The following SEMA3A variants were observed in gnomAD, a reference collection of about 807,000 sequenced individuals.
The protein encoded by SEMA3A is semaphorin-3A.
Under a neutral mutation model 97.9 loss-of-function variants are expected in SEMA3A, and 29 were observed. The ratio of observed to expected loss-of-function variants is 0.30; its 90% CI spans 0.22 to 0.40. The LOEUF is 0.40. Ranked by LOEUF, SEMA3A falls within the 10% of genes least tolerant of loss-of-function variation. SEMA3A has a pLI of 1.00. For missense variants in SEMA3A, 763 were observed against 951.3 expected (o/e 0.80, Z 2.60); for synonymous variants, 321 against 323.7 (o/e 0.99, Z 0.09).
intron 1 of SEMA3A, among the ~76,000 whole-genome samples, chr7:84,135,434 A>AT (rs1212334355): frequency 1.1e-4 from 16 of 152,014 alleles, no homozygotes; most frequent in Non-Finnish European, 1.9e-4. Flanking sequence ...AATGAGAGTT[A>AT]TATTCCTATT....
Position 83,961,471 on chromosome 7 carries a change from T to C in SEMA3A, c.2216A>G (p.His739Arg), listed in dbSNP as rs772318664. The change falls in exon 17 of 17, where the codon CAT becomes CGT. Residue 739 changes from histidine to arginine, a missense_variant. Coordinates refer to ENST00000265362, the MANE Select transcript of SEMA3A (RefSeq NM_006080.3). ...CCATTTGTTACTGTTCCCTGGGGTA[T>C]GTCCTGGCCTTTGCCGACGTTGTTT... Reference protein sequence around the residue: ...DRKQRRQRPGHTPGNSNKWKH... With the variant: ...DRKQRRQRPGRTPGNSNKWKH... 2 of 1,614,126 alleles carry C rather than the reference T, an allele frequency of 1.2e-6. No homozygotes were observed. Among genetic ancestry groups the C allele is most frequent in the Admixed American group, 1.7e-5 (1 of 60,020 alleles).
At chr7:84,123,322 T>C (rs900512541) in intron 3 of SEMA3A, among the ~76,000 whole-genome samples, 1 of 152,234 alleles carries the variant, frequency 6.6e-6, no homozygotes, top group African/African-American at 2.4e-5. Context: ...CTCGACTGTA[T>C]TTATTTCCCT....
At chr7:84,139,793 T>C (rs769980289) in intron 1 of SEMA3A, among the ~76,000 whole-genome samples, 2 of 152,080 alleles carry the variant, frequency 1.3e-5, no homozygotes, top group Admixed American at 6.5e-5. Context: ...ATTTGATAGA[T>C]TTCTATTTAA....
chr7:84,052,982 T>G (rs1487740753), intron 5 of SEMA3A, among the ~76,000 whole-genome samples: 2 of 151,048 alleles, frequency 1.3e-5, no homozygotes, highest in African/African-American at 4.9e-5. Flanking sequence ...CCAGTAGTCA[T>G]TCAGGAGCAG....
rs1357784674 is a variant in SEMA3A at position 83,956,658 on chromosome 7, C to T, written c.*4713G>A. 1.3e-5 allele frequency: 2 copies of T among 152,106 alleles called. No individual in the cohort carries two copies. Among genetic ancestry groups the T allele is most frequent in the Admixed American group, 1.3e-4 (2 of 15,252 alleles). The allele number at this position is 152,106 out of a possible 1,614,324, so 9.4% of individuals were successfully genotyped here. On this transcript the variant is annotated 3_prime_UTR_variant, in exon 17 of 17. Coordinates refer to ENST00000265362, the MANE Select transcript of SEMA3A (RefSeq NM_006080.3). The stretch of plus-strand genomic sequence containing the variant: ...AAACAGAGGGCAATAAATCAAAACC[C>T]AGGAAAAAGCAAATGCACCATTTTG...
intron 1 of SEMA3A, among the ~76,000 whole-genome samples, chr7:84,484,130 A>G (rs1208869419): frequency 6.6e-6 from 1 of 152,110 alleles, no homozygotes; most frequent in Admixed American, 6.5e-5. Context: ...TGGACTAGTT[A>G]AGAAAAAAAC....
Position 84,091,234 on chromosome 7 carries a change from A to G in SEMA3A, c.453+19236T>C, listed in dbSNP as rs965098905. Among the ~76,000 whole-genome samples, 172 of 91,090 alleles carry G rather than the reference A, an allele frequency of 1.9e-3. 11 individuals are homozygous for G. The highest frequency in any genetic ancestry group is 3.3e-3 in the Non-Finnish European group (118 of 35,648). The allele number at this position is 91,090 out of a possible 152,430, so 59.8% of individuals were successfully genotyped here. ...AAAGAAAAGAAAAGAAAGAAAAGAA[A>G]GAAGGAAGGAAGGAAAGAACGAAGG... On this transcript the variant is annotated intron_variant, in intron 4 of 16. Transcript: ENST00000265362.
chr7:84,045,550 G>A (rs117025591), intron 6 of SEMA3A, among the ~76,000 whole-genome samples: 2 of 151,638 alleles, frequency 1.3e-5, no homozygotes, highest in Admixed American at 6.6e-5. Context: ...GATATAAAAG[G>A]ATTGCTTAGT....
At chr7:84,065,873 C>A (rs1793465808) in intron 4 of SEMA3A, among the ~76,000 whole-genome samples, 2 of 151,830 alleles carry the variant, frequency 1.3e-5, no homozygotes, top group South Asian at 2.1e-4. Flanking sequence ...CCTTCTGAAA[C>A]TATTCCAATC....
intron 3 of SEMA3A, among the ~76,000 whole-genome samples, chr7:84,273,286 C>A (rs1164460489): frequency 1.3e-5 from 2 of 152,078 alleles, no homozygotes; most frequent in Non-Finnish European, 2.9e-5. Context: ...AATATATCAG[C>A]AACATTCCTC....
chr7:84,136,568 T>A (rs1796130301), intron 1 of SEMA3A, among the ~76,000 whole-genome samples: 1 of 152,148 alleles, frequency 6.6e-6, no homozygotes, highest in Admixed American at 6.5e-5. Flanking sequence ...CTAGTTCAAA[T>A]GCAACTGCCA....
chr7:83,971,985 C>CTG (rs10689027), intron 15 of SEMA3A, among the ~76,000 whole-genome samples: 46,621 of 149,916 alleles, frequency 0.31, 7,897 homozygotes, highest in East Asian at 0.62. Context: ...ATTGGCTAGT[C>CTG]TGTGTGTGTG....
chr7:84,397,171 T>A (rs1419936987), intron 1 of SEMA3A, among the ~76,000 whole-genome samples: 1 of 152,004 alleles, frequency 6.6e-6, no homozygotes, highest in Non-Finnish European at 1.5e-5. Flanking sequence ...TGTATGCTTA[T>A]GATATCAAAT....
intron 2 of SEMA3A, among the ~76,000 whole-genome samples, chr7:84,354,773 C>A (rs1210783790): frequency 1.3e-5 from 2 of 151,342 alleles, no homozygotes; most frequent in Non-Finnish European, 3.0e-5. Context: ...TTTCTGAGTC[C>A]ATGTGTTATG....
chr7:83,967,529 C>T (rs543345490), intron 15 of SEMA3A, among the ~76,000 whole-genome samples: 4 of 152,194 alleles, frequency 2.6e-5, no homozygotes, highest in South Asian at 2.1e-4. Context: ...CTGAGGTGGA[C>T]GGATCACTTG....
chr7:84,150,741 G>A (rs1333797559), intron 1 of SEMA3A, among the ~76,000 whole-genome samples: 2 of 152,062 alleles, frequency 1.3e-5, no homozygotes, highest in African/African-American at 4.8e-5. Flanking sequence ...GCCCACCACA[G>A]CTCAAGGAGG....
At chr7:84,214,650 A>G (rs1048846360) in intron 3 of SEMA3A, among the ~76,000 whole-genome samples, 3 of 150,974 alleles carry the variant, frequency 2.0e-5, no homozygotes, top group Admixed American at 6.6e-5. Flanking sequence ...TCCCCCTGAC[A>G]TGCTCTCTAA....
chr7:83,958,426 C>G lies in SEMA3A; in HGVS notation c.*2945G>C, dbSNP rs1788345841. On this transcript the variant is annotated 3_prime_UTR_variant, in exon 17 of 17. Transcript: ENST00000265362. ...CAGCAGTTTCATTACATTTTTCTCTCCAGTTTTTCTAGTTCCCATCTGAAA... is the reference window on the plus strand; with the variant it reads ...CAGCAGTTTCATTACATTTTTCTCTGCAGTTTTTCTAGTTCCCATCTGAAA... 6.6e-6 allele frequency: 1 copy of G among 152,450 alleles called. No homozygotes were observed. The highest frequency in any genetic ancestry group is 1.5e-5 in the Non-Finnish European group (1 of 67,940). 9.4% of individuals were successfully genotyped at this position (152,450 alleles called of 1,614,324 possible).
chr7:84,045,747 A>T (rs149009113), intron 6 of SEMA3A, among the ~76,000 whole-genome samples: 1 of 152,014 alleles, frequency 6.6e-6, no homozygotes, highest in Admixed American at 6.6e-5. Flanking sequence ...TTTCTGTTCT[A>T]AACAATCTTC....
Sources: gnomAD v4.1 joint callset for allele counts (sites outside exome capture counted in the v4.1 genomes callset) on GRCh38, gnomAD v4.1.1 for gene constraint, MANE v1.5 for transcripts, NCBI Gene and HGNC (gene_info 2026-07-23, HGNC 2026-07-21) for gene names.